Variants in LRRC37A2 observed in about 807,000 individuals in gnomAD.
The protein encoded by LRRC37A2 is leucine-rich repeat-containing protein 37A2.
In LRRC37A2, 9 loss-of-function variants were observed where a neutral mutation model predicts 68.8. The observed-to-expected ratio is 0.13, with a 90% CI of 0.08 to 0.23. LRRC37A2 has a LOEUF of 0.23. LRRC37A2 is among the 10% of genes least tolerant of loss of function. The pLI is 1.00. For synonymous variants in LRRC37A2, 63 were observed against 367.6 expected (o/e 0.17, Z 9.48); for missense variants, 168 against 950.4 (o/e 0.18, Z 10.82).
the LRRC37A2 span, among the ~76,000 whole-genome samples, chr17:46,873,086 T>TCACACA: frequency 7.1e-4 from 100 of 139,914 alleles, 1 homozygote; most frequent in South Asian, 3.8e-3. Context: ...CTCTGCCTCT[T>TCACACA]CACACACACA....
At chr17:47,047,789 A>G in the LRRC37A2 span, among the ~76,000 whole-genome samples, 1 of 151,724 alleles carries the variant, frequency 6.6e-6, no homozygotes, top group Non-Finnish European at 1.5e-5. Flanking sequence ...CTTCTAATAG[A>G]ATGGAGGGCT....
At chr17:46,398,199 G>T in the LRRC37A2 span, among the ~76,000 whole-genome samples, 5 of 118,628 alleles carry the variant, frequency 4.2e-5, no homozygotes, top group East Asian at 1.1e-3. Flanking sequence ...ACCTTAGTGT[G>T]TTATGAGGAT....
chr17:46,460,796 AAGAGAG>A, the LRRC37A2 span, among the ~76,000 whole-genome samples: 27 of 98,872 alleles, frequency 2.7e-4, 2 homozygotes, highest in African/African-American at 1.0e-3. Flanking sequence ...AAGAGAGAGT[AAGAGAG>A]AGAGAGAGAG....
At chr17:46,874,898 C>A in the LRRC37A2 span, 1 of 781,188 alleles carries the variant, frequency 1.3e-6, no homozygotes, top group Non-Finnish European at 2.2e-6. Flanking sequence ...ATTTAAATGG[C>A]AACTTGCAGT....
chr17:46,928,551 G>A, the LRRC37A2 span, among the ~76,000 whole-genome samples: 1 of 152,122 alleles, frequency 6.6e-6, no homozygotes, highest in Non-Finnish European at 1.5e-5. Context: ...GGATGACCTT[G>A]GCCAGACCGT....
At chr17:46,927,630 G>T in the LRRC37A2 span, among the ~76,000 whole-genome samples, 1 of 152,138 alleles carries the variant, frequency 6.6e-6, no homozygotes, top group Admixed American at 6.5e-5. Context: ...ATTTATTGTA[G>T]TCCCTTCTTT....
the LRRC37A2 span, among the ~76,000 whole-genome samples, chr17:46,820,441 G>C: frequency 6.6e-5 from 10 of 151,914 alleles, no homozygotes; most frequent in East Asian, 1.9e-3. Context: ...GAAAACTGTC[G>C]GGGGGAGGCT....
the LRRC37A2 span, chr17:46,930,047 A>ATTTTTTTTTTTTTTTTTT: frequency 8.1e-6 from 1 of 124,048 alleles, no homozygotes. Context: ...GTTTTTTTTC[A>ATTTTTTTTTTTTTTTTTT]TTTTTTTTTT....
the LRRC37A2 span, among the ~76,000 whole-genome samples, chr17:46,855,616 C>G: frequency 7.1e-3 from 1,081 of 152,322 alleles, 15 homozygotes; most frequent in African/African-American, 0.024. Flanking sequence ...CAAATGTTAA[C>G]TTCTGTGATG....
the LRRC37A2 span, among the ~76,000 whole-genome samples, chr17:47,015,006 C>CTTTTTTTT: frequency 1.9e-5 from 2 of 106,140 alleles, no homozygotes; most frequent in Non-Finnish European, 3.6e-5. Context: ...CCATTTTTAT[C>CTTTTTTTT]TTTTTTTTTT....
At chr17:46,803,106 C>A in the LRRC37A2 span, among the ~76,000 whole-genome samples, 1 of 152,340 alleles carries the variant, frequency 6.6e-6, no homozygotes, top group South Asian at 2.1e-4. Flanking sequence ...AGGACGCTGG[C>A]TGATGTCTGC....
chr17:46,875,447 C>A, the LRRC37A2 span: 1 of 1,457,410 alleles, frequency 6.9e-7, no homozygotes, highest in Non-Finnish European at 9.1e-7. Flanking sequence ...AGGCCAGCAC[C>A]CCACTCCCCA....
the LRRC37A2 span, among the ~76,000 whole-genome samples, chr17:46,613,124 T>C: frequency 2.3e-5 from 1 of 44,400 alleles, no homozygotes; most frequent in Admixed American, 2.1e-4. Flanking sequence ...AAAAAATTGT[T>C]TTAATTACCT....
the LRRC37A2 span, among the ~76,000 whole-genome samples, chr17:46,887,212 A>G: frequency 6.6e-6 from 1 of 152,194 alleles, no homozygotes; most frequent in African/African-American, 2.4e-5. Context: ...GCATTGCTCT[A>G]TCTCCTGATA....
At chr17:46,853,467 G>A in the LRRC37A2 span, among the ~76,000 whole-genome samples, 1 of 148,852 alleles carries the variant, frequency 6.7e-6, no homozygotes, top group South Asian at 2.2e-4. Flanking sequence ...CATCTCATGG[G>A]TTCAAGCGAT....
At chr17:46,886,906 T>C in the LRRC37A2 span, among the ~76,000 whole-genome samples, 2 of 152,172 alleles carry the variant, frequency 1.3e-5, no homozygotes, top group East Asian at 3.8e-4. Flanking sequence ...AAACTCCACC[T>C]CCTAGGTTCA....
the LRRC37A2 span, among the ~76,000 whole-genome samples, chr17:46,960,320 TACAA>T: frequency 2.6e-5 from 4 of 152,136 alleles, no homozygotes; most frequent in Non-Finnish European, 4.4e-5. Context: ...TTGGCATACA[TACAA>T]ACAAACACAA....
the LRRC37A2 span, among the ~76,000 whole-genome samples, chr17:46,772,535 T>G: frequency 6.6e-6 from 1 of 152,242 alleles, no homozygotes; most frequent in Non-Finnish European, 1.5e-5. Context: ...GAGTTTGAAA[T>G]GCAAACCGCC....
At chr17:46,971,305 C>G in the LRRC37A2 span, among the ~76,000 whole-genome samples, 2 of 152,026 alleles carry the variant, frequency 1.3e-5, no homozygotes, top group Admixed American at 6.6e-5. Context: ...CTACTGCACT[C>G]CAGCCTGGGC....
Sources: gnomAD v4.1 joint callset for allele counts (sites outside exome capture counted in the v4.1 genomes callset) on GRCh38, gnomAD v4.1.1 for gene constraint, MANE v1.5 for transcripts, NCBI Gene and HGNC (gene_info 2026-07-23, HGNC 2026-07-21) for gene names.